The following PCNT variants were observed in gnomAD, a reference collection of about 807,000 sequenced individuals.
PCNT encodes the protein pericentrin.
PCNT carries 319 observed loss-of-function variants against 380.4 expected under a neutral mutation model. The observed-to-expected ratio is 0.84, with a 90% CI of 0.77 to 0.92. The LOEUF is 0.92. PCNT is among the 40% of genes least tolerant of loss of function. PCNT has a pLI of 0.00. For synonymous variants in PCNT, 1,845 were observed against 1,735.2 expected, an observed-to-expected ratio of 1.06 and a Z score of -1.57; for missense variants, 4,400 against 4,255.3, an observed-to-expected ratio of 1.03 and a Z score of -0.95.
chr21:46,427,641 C>G lies in PCNT; in HGVS notation c.7340C>G (p.Pro2447Arg). 6.2e-7 allele frequency: 1 copy of G among 1,613,938 alleles called. No individual in the cohort carries two copies. Among genetic ancestry groups the G allele is most frequent in the African/African-American group, 1.3e-5 (1 of 75,050 alleles). ...GKTQEVPTACPDWRGDLLQVV... is the reference protein window; with the variant it reads ...GKTQEVPTACRDWRGDLLQVV... ...CTTTAGGAAGTGCCCACCGCGTGCCCCGATTGGAGAGGGGACCTTCTGCAG... is the reference window on the plus strand; with the variant it reads ...CTTTAGGAAGTGCCCACCGCGTGCCGCGATTGGAGAGGGGACCTTCTGCAG... The change falls in exon 34 of 47, where the codon CCC (proline) becomes CGC (arginine). Residue 2447 changes from proline to arginine, a missense_variant. By Grantham distance (103) the Pro-to-Arg change is moderately radical. Transcript: ENST00000359568.
chr21:46,439,222 G>C (rs1052182839), intron 41 of PCNT, among the ~76,000 whole-genome samples: 3 of 151,834 alleles, frequency 2.0e-5, no homozygotes, highest in African/African-American at 7.3e-5. Context: ...CACAGCGATG[G>C]CCCCCCCAAA....
intron 40 of PCNT, among the ~76,000 whole-genome samples, chr21:46,437,757 G>C (rs1285374099): frequency 1.3e-5 from 2 of 152,214 alleles, no homozygotes; most frequent in African/African-American, 2.4e-5. Context: ...GTTGTGGGTG[G>C]GGTGCACCCT....
At chr21:46,417,184 C>CTTT (rs71318076) in intron 30 of PCNT, among the ~76,000 whole-genome samples, 3,263 of 73,558 alleles carry the variant, frequency 0.044, 61 homozygotes, top group East Asian at 0.064. Context: ...GGAATGCTTC[C>CTTT]TTTTTTTTTT....
At chr21:46,362,277 G>A (rs537348660) in intron 13 of PCNT, among the ~76,000 whole-genome samples, 1 of 152,286 alleles carries the variant, frequency 6.6e-6, no homozygotes, top group Admixed American at 6.5e-5. Context: ...AGTTCCTCTG[G>A]CTCAGTGAGG....
chr21:46,432,599 CCACGA>C (rs2087815126), intron 38 of PCNT, among the ~76,000 whole-genome samples: 1 of 152,162 alleles, frequency 6.6e-6, no homozygotes, highest in Non-Finnish European at 1.5e-5. Context: ...GTCTTTTGAT[CCACGA>C]TTACAGAATG....
intron 15 of PCNT, among the ~76,000 whole-genome samples, chr21:46,368,335 C>T (rs972137282): frequency 6.6e-6 from 1 of 152,106 alleles, no homozygotes; most frequent in Non-Finnish European, 1.5e-5. Context: ...GTAGTCCCAG[C>T]TACTTGGGAG....
At chr21:46,435,540 T>G (rs1262735286) in intron 38 of PCNT, among the ~76,000 whole-genome samples, 1 of 150,272 alleles carries the variant, frequency 6.7e-6, no homozygotes, top group Non-Finnish European at 1.5e-5. Flanking sequence ...GTTTTGTGTT[T>G]TGTTTTGTTT....
rs2839222 is a variant in PCNT at position 46,356,791 on chromosome 21, G to A, written c.1937-183G>A. Among the ~76,000 whole-genome samples, 113,132 of 152,198 alleles carry A rather than the reference G, an allele frequency of 0.74. 44,003 individuals carry two copies. Among genetic ancestry groups the A allele is most frequent in the Non-Finnish European group, 0.87 (58,922 of 68,012 alleles). ...TGCTGGGGCAGCATGGAGGTGTCCC[G>A]AAAGGGAGGGGAGACTTGAGAGAGC... On this transcript the variant is annotated intron_variant, in intron 12 of 46. Coordinates refer to ENST00000359568, the MANE Select transcript of PCNT (RefSeq NM_006031.6).
intron 21 of PCNT, 114 bp from the exon 22 acceptor site, chr21:46,397,151 A>G (rs2086236776): frequency 7.1e-6 from 6 of 840,230 alleles, no homozygotes. Context: ...CCCGAATTGA[A>G]GTGACTTCAT....
intron 38 of PCNT, among the ~76,000 whole-genome samples, chr21:46,433,106 G>T (rs1274025235): frequency 6.6e-6 from 1 of 152,218 alleles, no homozygotes; most frequent in African/African-American, 2.4e-5. Flanking sequence ...AGCAGGCCGG[G>T]CACGGTGGCC....
In PCNT at chr21:46,431,861, C is replaced by G; in HGVS notation, c.8397C>G (p.Ser2799=). 6.2e-7 allele frequency: 1 copy of G among 1,614,026 alleles called. No individual in the cohort carries two copies. The highest frequency in any genetic ancestry group is 8.5e-7 in the Non-Finnish European group (1 of 1,180,030). Residue 2799 remains serine (S), a synonymous_variant, in exon 38 of 47, where the codon TCC becomes TCG. Coordinates refer to ENST00000359568, the MANE Select transcript of PCNT (RefSeq NM_006031.6). The part of the protein sequence containing the change: ...ALLQKLKEEK[S]RVVDLQAMLE... ...TGCAGAAGCTGAAGGAGGAGAAGTC[C>G]CGGGTGGTGGACTTGCAAGCGATGC...
At chr21:46,370,227 G>GT (rs1569211735) in intron 15 of PCNT, among the ~76,000 whole-genome samples, 1 of 152,006 alleles carries the variant, frequency 6.6e-6, no homozygotes, top group African/African-American at 2.4e-5. Flanking sequence ...GGGCATCCGG[G>GT]GGGGGGTGTC....
rs201194745 is a variant in PCNT at position 46,346,969 on chromosome 21, A to T, written c.947A>T (p.Glu316Val). 221 of 1,596,524 alleles carry T rather than the reference A, an allele frequency of 1.4e-4. No homozygotes were observed. The highest frequency in any genetic ancestry group is 1.8e-4 in the Non-Finnish European group (208 of 1,173,834). The change falls in exon 5 of 47, where the codon GAG becomes GTG. Residue 316 changes from glutamate (E) to valine (V), a missense_variant. Glu to Val is a moderately radical substitution (Grantham distance 121). Transcript: ENST00000359568. ...LREQHAREKE[E>V]VVLRCGQEAA... ...GAGCAGCACGCACGGGAGAAGGAGG[A>T]GGTGGTGCTCAGGTGTGGACAGGAA...
At chr21:46,395,791 G>C (rs544446359) in intron 21 of PCNT, among the ~76,000 whole-genome samples, 1 of 151,760 alleles carries the variant, frequency 6.6e-6, no homozygotes, top group East Asian at 1.9e-4. Context: ...TCAGGATTCG[G>C]CAGCAGAGAC....
intron 42 of PCNT, among the ~76,000 whole-genome samples, chr21:46,440,600 C>T (rs1336346321): frequency 1.3e-5 from 2 of 152,216 alleles, no homozygotes; most frequent in East Asian, 3.9e-4. Flanking sequence ...ATGCAAGAAG[C>T]TTCATAGGGG....
At position 46,385,874 on chromosome 21, in the gene PCNT, T is replaced by C. The variant is rs1175997039; in HGVS notation, c.3355T>C (p.Cys1119Arg). ...ATCCTTAAGTCACGAGATAGAAGAGTGCCGCTCCGAGTTGGAGGTGCTGCA... is the reference window on the plus strand; with the variant it reads ...ATCCTTAAGTCACGAGATAGAAGAGCGCCGCTCCGAGTTGGAGGTGCTGCA... ...VLSLSHEIEE[C>R]RSELEVLQQR... Residue 1119 changes from cysteine (C) to arginine (R), a missense_variant, in exon 17 of 47, where the codon TGC becomes CGC. Transcript: ENST00000359568. 1.2e-6 allele frequency: 2 copies of C among 1,614,010 alleles called. No individual in the cohort carries two copies. Among genetic ancestry groups the C allele is most frequent in the Non-Finnish European group, 1.7e-6 (2 of 1,179,968 alleles).
intron 43 of PCNT, 87 bp from the exon 44 acceptor site, chr21:46,442,410 C>A: frequency 1.2e-6 from 1 of 830,154 alleles, no homozygotes; most frequent in Non-Finnish European, 2.0e-6. Context: ...CCCCATTCTG[C>A]TTGTTTGGTC....
chr21:46,335,275 G>C (rs1026088695), intron 3 of PCNT, among the ~76,000 whole-genome samples: 2 of 152,178 alleles, frequency 1.3e-5, no homozygotes, highest in Non-Finnish European at 2.9e-5. Context: ...TTTCTGCCAC[G>C]TTCCTGGTGG....
At chr21:46,357,509 T>G (rs1256223040) in intron 13 of PCNT, among the ~76,000 whole-genome samples, 1 of 152,240 alleles carries the variant, frequency 6.6e-6, no homozygotes, top group Non-Finnish European at 1.5e-5. Flanking sequence ...TGGCATGGTC[T>G]CAGCTCACTG....
Sources: allele counts gnomAD v4.1 joint callset (sites outside exome capture counted in the v4.1 genomes callset), GRCh38; gene constraint gnomAD v4.1.1; transcripts MANE v1.5; gene names NCBI Gene and HGNC (gene_info 2026-07-23, HGNC 2026-07-21).